The following TRPM3 variants were observed in gnomAD, a reference collection of about 807,000 sequenced individuals.
TRPM3 encodes long transient receptor potential channel 3.
TRPM3 carries 77 observed loss-of-function variants against 181.2 expected under a neutral mutation model. The observed-to-expected ratio is 0.42, with a 90% CI of 0.35 to 0.51. The LOEUF (loss-of-function observed/expected upper bound fraction) is 0.51, where lower values mean the gene tolerates loss of function less well. Among genes scored for constraint, TRPM3 ranks in the 20% least tolerant of loss-of-function variants. The probability of loss-of-function intolerance (pLI) is 0.01; values close to 1 mark genes in which losing one functional copy is unlikely to be tolerated. For missense variants in TRPM3, 1,759 were observed against 2,196.7 expected, an observed-to-expected ratio of 0.80 and a Z score of 3.98; for synonymous variants, 745 against 796.4, an observed-to-expected ratio of 0.94 and a Z score of 1.09.
intron 22 of TRPM3, among the ~76,000 whole-genome samples, chr9:70,567,758 G>A (rs138000585): frequency 1.4e-3 from 212 of 152,306 alleles, no homozygotes; most frequent in African/African-American, 4.9e-3. Flanking sequence ...AACAAAAACT[G>A]TTTGCTGGGC....
chr9:70,637,669 C>T (rs1218324982), intron 11 of TRPM3, among the ~76,000 whole-genome samples: 3 of 152,096 alleles, frequency 2.0e-5, no homozygotes, highest in East Asian at 1.9e-4. Context: ...ATGGTGCCAG[C>T]GTGGCACCAT....
chr9:71,348,184 G>T (rs916461420), intron 1 of TRPM3, among the ~76,000 whole-genome samples: 2 of 152,074 alleles, frequency 1.3e-5, no homozygotes, highest in African/African-American at 2.4e-5. Context: ...ATTTCAGTGC[G>T]CAATGAAACT....
At chr9:71,229,748 A>G (rs1266049428) in intron 1 of TRPM3, among the ~76,000 whole-genome samples, 1 of 152,156 alleles carries the variant, frequency 6.6e-6, no homozygotes, top group Non-Finnish European at 1.5e-5. Context: ...ACCTCACCCC[A>G]GTTAAAATGG....
At chr9:71,177,494 T>C (rs7862622) in intron 1 of TRPM3, among the ~76,000 whole-genome samples, 61,911 of 151,852 alleles carry the variant, frequency 0.41, 12,883 homozygotes, top group East Asian at 0.52. Context: ...CTACAATGTT[T>C]GCACAATGAC....
chr9:70,872,449 G>A (rs765726474), intron 1 of TRPM3, among the ~76,000 whole-genome samples: 5 of 151,842 alleles, frequency 3.3e-5, no homozygotes, highest in Admixed American at 6.6e-5. Flanking sequence ...TCCTGTACCT[G>A]GATAGAACCA....
At chr9:70,963,757 T>C (rs572203722) in intron 1 of TRPM3, among the ~76,000 whole-genome samples, 111 of 152,222 alleles carry the variant, frequency 7.3e-4, no homozygotes, top group African/African-American at 2.5e-3. Context: ...CTACAGTCTT[T>C]GCCAAGCTCT....
chr9:71,291,692 A>G, intron 1 of TRPM3, among the ~76,000 whole-genome samples: 1 of 152,108 alleles, frequency 6.6e-6, no homozygotes. Context: ...AAAAAATAAT[A>G]CAGATACAAA....
intron 1 of TRPM3, among the ~76,000 whole-genome samples, chr9:71,087,881 T>G (rs1237664122): frequency 6.6e-6 from 1 of 152,138 alleles, no homozygotes; most frequent in Non-Finnish European, 1.5e-5. Context: ...AGCAATTAAG[T>G]ATTAGAAGTT....
chr9:71,431,525 C>T (rs2093953212), intron 1 of TRPM3, among the ~76,000 whole-genome samples: 1 of 152,168 alleles, frequency 6.6e-6, no homozygotes, highest in Admixed American at 6.5e-5. Context: ...TTTAAGCCAA[C>T]TTCAAGAAGA....
At chr9:70,772,296 G>A (rs1372142182) in intron 7 of TRPM3, among the ~76,000 whole-genome samples, 1 of 151,010 alleles carries the variant, frequency 6.6e-6, no homozygotes, top group Admixed American at 6.7e-5. Context: ...TCACAGATAT[G>A]GAAGATCTCT....
At chr9:70,907,335 GGTCTATGTA>G (rs1377138804) in intron 1 of TRPM3, among the ~76,000 whole-genome samples, 1 of 152,094 alleles carries the variant, frequency 6.6e-6, no homozygotes, top group Admixed American at 6.5e-5. Context: ...AACTTTTCAC[GGTCTATGTA>G]GTGCCAGTTT....
intron 1 of TRPM3, among the ~76,000 whole-genome samples, chr9:71,189,527 T>C (rs370277114): frequency 6.6e-6 from 1 of 151,834 alleles, no homozygotes; most frequent in Non-Finnish European, 1.5e-5. Flanking sequence ...TGAAACTATC[T>C]CAGCTTTTGT....
chr9:71,376,298 A>G (rs1391332587), intron 1 of TRPM3, among the ~76,000 whole-genome samples: 1 of 152,206 alleles, frequency 6.6e-6, no homozygotes, highest in South Asian at 2.1e-4. Context: ...GATATAACAC[A>G]CATTTAAGAA....
chr9:70,962,378 A>C (rs2097144917), intron 1 of TRPM3, among the ~76,000 whole-genome samples: 1 of 152,178 alleles, frequency 6.6e-6, no homozygotes, highest in African/African-American at 2.4e-5. Flanking sequence ...GTACATCAGC[A>C]GTTAAAAGCC....
chr9:71,443,658 G>C (rs2094164504), intron 1 of TRPM3, among the ~76,000 whole-genome samples: 1 of 152,050 alleles, frequency 6.6e-6, no homozygotes, highest in Non-Finnish European at 1.5e-5. Context: ...CAAAATCATG[G>C]AGTTACCCAA....
intron 21 of TRPM3, among the ~76,000 whole-genome samples, chr9:70,593,031 C>T (rs568304604): frequency 2.6e-5 from 4 of 152,212 alleles, no homozygotes; most frequent in East Asian, 3.9e-4. Context: ...TGCCCGGCCA[C>T]GATTTTGTTT....
At chr9:71,317,661 G>GAA (rs1358729325) in intron 1 of TRPM3, among the ~76,000 whole-genome samples, 1 of 123,040 alleles carries the variant, frequency 8.1e-6, no homozygotes, top group African/African-American at 2.8e-5. Flanking sequence ...AAAAGAAAAA[G>GAA]AAAAAATATA....
intron 1 of TRPM3, among the ~76,000 whole-genome samples, chr9:71,118,673 G>A (rs1022593946): frequency 6.6e-6 from 1 of 152,082 alleles, no homozygotes; most frequent in Non-Finnish European, 1.5e-5. Flanking sequence ...GCTTGGAAGA[G>A]GAATAAGCAC....
intron 1 of TRPM3, among the ~76,000 whole-genome samples, chr9:71,233,117 C>A (rs1210813949): frequency 6.6e-6 from 1 of 152,204 alleles, no homozygotes; most frequent in Non-Finnish European, 1.5e-5. Context: ...TCCTGCCTTA[C>A]TGTCCAACAA....
Sources: allele counts gnomAD v4.1 joint callset (sites outside exome capture counted in the v4.1 genomes callset), GRCh38; gene constraint gnomAD v4.1.1; transcripts MANE v1.5; gene names NCBI Gene and HGNC (gene_info 2026-07-23, HGNC 2026-07-21).